ZHX2: variants seen among roughly 807,000 people sequenced by gnomAD.
ZHX2 encodes zinc fingers and homeoboxes protein 2.
Under a neutral mutation model 21.9 loss-of-function variants are expected in ZHX2, and 6 were observed. The observed-to-expected ratio is 0.27, with a 90% confidence interval of 0.15 to 0.54. The LOEUF is 0.54. Among genes scored for constraint, ZHX2 ranks in the 20% least tolerant of loss-of-function variants. The pLI is 0.95. For synonymous variants in ZHX2, 434 were observed against 437.1 expected, an observed-to-expected ratio of 0.99 and a Z score of 0.09; for missense variants, 908 against 1,090.7, an observed-to-expected ratio of 0.83 and a Z score of 2.36.
chr8:122,939,573 A>G (rs533088342), intron 2 of ZHX2, among the ~76,000 whole-genome samples: 1 of 152,302 alleles, frequency 6.6e-6, no homozygotes, highest in Admixed American at 6.5e-5. Flanking sequence ...TAGCCTTTTA[A>G]CAGGGAGACC....
At chr8:122,819,628 G>A (rs927870304) in intron 1 of ZHX2, among the ~76,000 whole-genome samples, 23 of 152,162 alleles carry the variant, frequency 1.5e-4, no homozygotes, top group African/African-American at 5.1e-4. Context: ...AGAATTGCCC[G>A]CATGAAATTG....
intron 2 of ZHX2, among the ~76,000 whole-genome samples, chr8:122,877,322 AGCTAGGACT>A (rs1819595110): frequency 6.6e-6 from 1 of 152,246 alleles, no homozygotes; most frequent in African/African-American, 2.4e-5. Flanking sequence ...AATAAATGCT[AGCTAGGACT>A]GCAAGTTCCC....
chr8:122,850,806 G>C (rs1213079180), intron 1 of ZHX2, among the ~76,000 whole-genome samples: 4 of 151,778 alleles, frequency 2.6e-5, no homozygotes, highest in African/African-American at 9.7e-5. Flanking sequence ...ACATGGGTCA[G>C]ATTTTGTTTC....
intron 1 of ZHX2, among the ~76,000 whole-genome samples, chr8:122,806,288 G>T (rs1172632321): frequency 1.3e-5 from 2 of 152,178 alleles, no homozygotes; most frequent in Middle Eastern, 3.2e-3. Context: ...CTGTAGAAAT[G>T]GACCCAATAA....
In ZHX2 at chr8:122,821,904, C is replaced by T. The variant is rs566390457; in HGVS notation, c.-283+39958C>T. 1.3e-4 allele frequency among the ~76,000 whole-genome samples: 20 copies of T among 152,184 alleles called. No individual in the cohort carries two copies. In the South Asian group the frequency reaches 4.1e-3, roughly 32 times the overall value. On this transcript the variant is annotated intron_variant, in intron 1 of 3. Coordinates refer to ENST00000314393, the MANE Select transcript of ZHX2 (RefSeq NM_014943.5). ...ATTTTTAGTAGAGACAGAGTTTCCC[C>T]AGGTTGGCCAGGCTGGTCTTGAACT...
At chr8:122,873,983 G>A (rs899539696) in intron 2 of ZHX2, among the ~76,000 whole-genome samples, 2 of 152,136 alleles carry the variant, frequency 1.3e-5, no homozygotes, top group Non-Finnish European at 2.9e-5. Flanking sequence ...TGATTACCTT[G>A]TGCCTACCCT....
At chr8:122,965,509 A>G (rs560468207) in intron 3 of ZHX2, among the ~76,000 whole-genome samples, 5 of 152,270 alleles carry the variant, frequency 3.3e-5, no homozygotes, top group Non-Finnish European at 7.4e-5. Flanking sequence ...GTAGTCTGAG[A>G]GAGTACTTGA....
chr8:122,913,947 G>A (rs1820539006), intron 2 of ZHX2, among the ~76,000 whole-genome samples: 1 of 152,146 alleles, frequency 6.6e-6, no homozygotes, highest in African/African-American at 2.4e-5. Context: ...GCTAGCTCCT[G>A]GGGCAAGCCT....
intron 3 of ZHX2, among the ~76,000 whole-genome samples, chr8:122,961,150 T>A (rs1813432375): frequency 6.6e-6 from 1 of 152,172 alleles, no homozygotes; most frequent in Non-Finnish European, 1.5e-5. Flanking sequence ...ACCAGCAGGG[T>A]TAGTTTCTGG....
At chr8:122,784,244 T>G (rs1245817767) in intron 1 of ZHX2, among the ~76,000 whole-genome samples, 1 of 152,240 alleles carries the variant, frequency 6.6e-6, no homozygotes, top group Non-Finnish European at 1.5e-5. Context: ...ATGGCAATGT[T>G]TGATAACAGT....
chr8:122,910,359 T>C (rs1180631828), intron 2 of ZHX2, among the ~76,000 whole-genome samples: 1 of 152,170 alleles, frequency 6.6e-6, no homozygotes, highest in Non-Finnish European at 1.5e-5. Context: ...ATTGTAGAAT[T>C]GTGATGGAAG....
chr8:122,866,668 T>C (rs1819305545), intron 2 of ZHX2, among the ~76,000 whole-genome samples: 1 of 152,148 alleles, frequency 6.6e-6, no homozygotes, highest in African/African-American at 2.4e-5. Context: ...GGGGATCAAT[T>C]GGTCATGGCT....
At chr8:122,866,263 C>T (rs957328937) in intron 2 of ZHX2, among the ~76,000 whole-genome samples, 2 of 152,226 alleles carry the variant, frequency 1.3e-5, no homozygotes, top group African/African-American at 4.8e-5. Flanking sequence ...GTCTCCATGG[C>T]TGGAAGACAA....
chr8:122,824,993 G>T (rs1372689871), intron 1 of ZHX2, among the ~76,000 whole-genome samples: 1 of 152,200 alleles, frequency 6.6e-6, no homozygotes, highest in African/African-American at 2.4e-5. Context: ...TGACTCTCCT[G>T]CCTGGCTCCT....
chr8:122,803,775 A>G (rs1475717033), intron 1 of ZHX2, among the ~76,000 whole-genome samples: 1 of 152,140 alleles, frequency 6.6e-6, no homozygotes, highest in Non-Finnish European at 1.5e-5. Context: ...GCAGCTCATT[A>G]TCCTCACCTG....
chr8:122,911,919 C>T (rs957046470), intron 2 of ZHX2, among the ~76,000 whole-genome samples: 4 of 152,012 alleles, frequency 2.6e-5, no homozygotes, highest in Non-Finnish European at 4.4e-5. Context: ...CTTTTAGAGG[C>T]GGGGAATGGC....
chr8:122,814,562 A>C (rs1817992526), intron 1 of ZHX2, among the ~76,000 whole-genome samples: 1 of 152,256 alleles, frequency 6.6e-6, no homozygotes, highest in Admixed American at 6.5e-5. Context: ...ATTTACAAGA[A>C]AATAGAAGTC....
intron 2 of ZHX2, among the ~76,000 whole-genome samples, chr8:122,893,932 G>A (rs763803078): frequency 2.1e-4 from 32 of 152,196 alleles, no homozygotes; most frequent in Non-Finnish European, 4.3e-4. Context: ...TGCATCTGGT[G>A]GGACAGTTGC....
In ZHX2 at chr8:122,939,001, G is replaced by A. The variant is rs139104339; in HGVS notation, c.-219-12291G>A. 9.2e-5 allele frequency among the ~76,000 whole-genome samples: 14 copies of A among 152,324 alleles called. No individual in the cohort carries two copies. The East Asian group carries it at 2.3e-3, about 25-fold the overall frequency. The stretch of plus-strand genomic sequence containing the variant: ...GGAGGGCAGAATCCACAGAGGTGAG[G>A]GGTGAAGCATGCAGTAAGAGAAGCG... On this transcript the variant is annotated intron_variant, in intron 2 of 3. Transcript: ENST00000314393.
Sources: gnomAD v4.1 joint callset for allele counts (sites outside exome capture counted in the v4.1 genomes callset) on GRCh38, gnomAD v4.1.1 for gene constraint, MANE v1.5 for transcripts, NCBI Gene and HGNC (gene_info 2026-07-23, HGNC 2026-07-21) for gene names.